GRIP1: variants seen among roughly 807,000 people sequenced by gnomAD.
GRIP1 encodes the protein glutamate receptor-interacting protein 1.
GRIP1 carries 45 observed loss-of-function variants against 129.9 expected under a neutral mutation model. The ratio of observed to expected loss-of-function variants is 0.35; its 90% CI spans 0.27 to 0.44. The LOEUF is 0.44. Among genes scored for constraint, GRIP1 ranks in the 20% least tolerant of loss-of-function variants. The pLI is 1.00. For missense variants in GRIP1, 1,196 were observed against 1,396.8 expected, an observed-to-expected ratio of 0.86 and a Z score of 2.29; for synonymous variants, 530 against 520.8, an observed-to-expected ratio of 1.02 and a Z score of -0.24.
intron 9 of GRIP1, among the ~76,000 whole-genome samples, chr12:66,459,970 T>C (rs2059085915): frequency 6.6e-6 from 1 of 152,232 alleles, no homozygotes; most frequent in South Asian, 2.1e-4. Context: ...TTTCACTGAT[T>C]ACTTATTATA....
At chr12:66,461,132 AAATT>A (rs2059123649) in intron 9 of GRIP1, among the ~76,000 whole-genome samples, 1 of 152,254 alleles carries the variant, frequency 6.6e-6, no homozygotes, top group Non-Finnish European at 1.5e-5. Flanking sequence ...TTTAGTGTAT[AAATT>A]AAACTCAAAT....
intron 1 of GRIP1, among the ~76,000 whole-genome samples, chr12:66,666,299 A>T (rs2033792580): frequency 6.6e-6 from 1 of 152,118 alleles, no homozygotes. Context: ...AATCTGTGCT[A>T]CTCAATGGAG....
At chr12:66,591,872 G>A (rs1418449429) in intron 2 of GRIP1, among the ~76,000 whole-genome samples, 4 of 152,002 alleles carry the variant, frequency 2.6e-5, no homozygotes, top group Non-Finnish European at 4.4e-5. Flanking sequence ...AGATCTGCCC[G>A]CCTTGGCCTC....
intron 1 of GRIP1, among the ~76,000 whole-genome samples, chr12:66,702,949 G>A: frequency 6.6e-6 from 1 of 152,206 alleles, no homozygotes; most frequent in East Asian, 1.9e-4. Context: ...GCAAGCATAT[G>A]TATTGTGCCA....
intron 1 of GRIP1, among the ~76,000 whole-genome samples, chr12:66,828,243 C>T (rs1407734654): frequency 2.6e-5 from 4 of 152,064 alleles, no homozygotes; most frequent in Admixed American, 2.0e-4. Context: ...ATAGATGATG[C>T]CATATGTGAT....
chr12:66,543,384 T>C (rs1592520498), intron 2 of GRIP1, among the ~76,000 whole-genome samples: 2 of 152,300 alleles, frequency 1.3e-5, no homozygotes, highest in East Asian at 3.9e-4. Flanking sequence ...TGATGTCAGC[T>C]TCATCTACTA....
rs77292855 is a variant in GRIP1 at position 66,375,667 on chromosome 12, G to C, written c.2778+1350C>G. On this transcript the variant is annotated intron_variant, in intron 22 of 24. Transcript: ENST00000359742. Reference sequence around the variant, plus strand: ...ATAATGTCAAGGGCCACATCTGTCTGGAGCTATGTTACAGCAAATTCATAG... The same window carrying C: ...ATAATGTCAAGGGCCACATCTGTCTCGAGCTATGTTACAGCAAATTCATAG... Among the ~76,000 whole-genome samples the C allele has an allele frequency of 4.3e-3, 649 of 152,266 alleles. 4 individuals are homozygous for C. The highest frequency in any genetic ancestry group is 0.013 in the African/African-American group (561 of 41,566).
chr12:66,889,953 AG>A (rs1414991052), intron 1 of GRIP1, among the ~76,000 whole-genome samples: 2 of 151,782 alleles, frequency 1.3e-5, no homozygotes, highest in East Asian at 1.9e-4. Flanking sequence ...TTTATCTTAC[AG>A]GGTCTCACTT....
chr12:66,523,849 A>T (rs1394090575), intron 5 of GRIP1, among the ~76,000 whole-genome samples: 1 of 152,132 alleles, frequency 6.6e-6, no homozygotes, highest in South Asian at 2.1e-4. Flanking sequence ...CCAAGCAAAC[A>T]GAAAACAAAA....
rs11366291 is a variant in GRIP1 at position 67,053,837 on chromosome 12, CAA to C, written c.58+15211_58+15212del. ...TGGGAGACAGACAGAGACTCCATCTCAAAAAAAAAAAAATAAATATAAATAAA... is the reference window on the plus strand; with the variant it reads ...TGGGAGACAGACAGAGACTCCATCTCAAAAAAAAAAATAAATATAAATAAA... On this transcript the variant is annotated intron_variant, in intron 1 of 1. Coordinates refer to the GRIP1 transcript ENST00000643019. Among the ~76,000 whole-genome samples the C allele has an allele frequency of 2.3e-3, 330 of 142,654 alleles. 1 individual carries two copies. Among genetic ancestry groups the C allele is most frequent in the African/African-American group, 6.2e-3 (244 of 39,056 alleles). 93.6% of individuals were successfully genotyped at this position (142,654 alleles called of 152,430 possible).
At position 66,993,113 on chromosome 12, in the gene GRIP1, C is replaced by CAAA. The variant is rs34149423; in HGVS notation, c.58+75934_58+75936dup. 7.6e-3 allele frequency among the ~76,000 whole-genome samples: 1,101 copies of CAAA among 144,726 alleles called. 19 individuals are homozygous for CAAA. The highest frequency in any genetic ancestry group is 0.025 in the African/African-American group (981 of 39,082). 94.9% of individuals were successfully genotyped at this position (144,726 alleles called of 152,430 possible). A position where few individuals can be genotyped will look rare whatever the true frequency, so the allele number is the denominator to read the frequency against. ...TGGAAAACAGAACAAGACCCTGTCTCAAAAAAAAAAATATCACAAAGGAAA... is the reference window on the plus strand; with the variant it reads ...TGGAAAACAGAACAAGACCCTGTCTCAAAAAAAAAAAAAATATCACAAAGGAAA... On this transcript the variant is annotated intron_variant, in intron 1 of 1. Transcript: ENST00000643019.
chr12:66,473,241 C>A (rs753519675), intron 7 of GRIP1, among the ~76,000 whole-genome samples: 2 of 152,200 alleles, frequency 1.3e-5, no homozygotes, highest in Non-Finnish European at 2.9e-5. Context: ...GCCACTGCAG[C>A]TCGGCAAAGC....
chr12:66,754,938 C>T (rs1474542582), intron 1 of GRIP1, among the ~76,000 whole-genome samples: 1 of 152,114 alleles, frequency 6.6e-6, no homozygotes, highest in Non-Finnish European at 1.5e-5. Context: ...CATTTCACTA[C>T]ACACAAAACT....
chr12:66,490,226 C>T (rs1189944596), intron 7 of GRIP1, among the ~76,000 whole-genome samples: 1 of 152,136 alleles, frequency 6.6e-6, no homozygotes, highest in East Asian at 1.9e-4. Flanking sequence ...CAAGTTCAAA[C>T]TATACTACAA....
intron 1 of GRIP1, among the ~76,000 whole-genome samples, chr12:66,970,236 C>G (rs2042052994): frequency 6.6e-6 from 1 of 152,170 alleles, no homozygotes; most frequent in Non-Finnish European, 1.5e-5. Flanking sequence ...CATGCACCAC[C>G]ATGCCAGGCT....
At chr12:67,062,510 T>C (rs1010564968) in intron 1 of GRIP1, among the ~76,000 whole-genome samples, 1 of 152,158 alleles carries the variant, frequency 6.6e-6, no homozygotes, top group East Asian at 1.9e-4. Flanking sequence ...CCACCTCCTC[T>C]GACAGCTGTC....
chr12:66,561,450 T>C (rs1331016491), intron 2 of GRIP1, among the ~76,000 whole-genome samples: 1 of 151,962 alleles, frequency 6.6e-6, no homozygotes, highest in Non-Finnish European at 1.5e-5. Flanking sequence ...CCCATAAATA[T>C]ATATACTTAC....
intron 1 of GRIP1, among the ~76,000 whole-genome samples, chr12:66,846,584 C>T (rs2039820051): frequency 6.6e-6 from 1 of 152,124 alleles, no homozygotes; most frequent in Admixed American, 6.6e-5. Context: ...AAAAATAGTT[C>T]ATTTTGGAGG....
intron 1 of GRIP1, among the ~76,000 whole-genome samples, chr12:66,612,088 A>G (rs932855559): frequency 6.6e-6 from 1 of 152,164 alleles, no homozygotes; most frequent in Admixed American, 6.5e-5. Flanking sequence ...ACTTGTGCAA[A>G]TTAACCAATA....
Sources: allele counts gnomAD v4.1 joint callset (sites outside exome capture counted in the v4.1 genomes callset), GRCh38; gene constraint gnomAD v4.1.1; transcripts MANE v1.5; gene names NCBI Gene and HGNC (gene_info 2026-07-23, HGNC 2026-07-21).